The following COL13A1 variants were observed in gnomAD, a reference collection of about 807,000 sequenced individuals.
COL13A1 encodes the protein collagen type XIII alpha 1 chain.
COL13A1 carries 89 observed loss-of-function variants against 130.9 expected under a neutral mutation model. The ratio of observed to expected loss-of-function variants is 0.68; its 90% CI spans 0.57 to 0.81. The LOEUF is 0.81. Among genes scored for constraint, COL13A1 ranks in the 30% least tolerant of loss-of-function variants. The pLI, the probability that COL13A1 is intolerant of heterozygous loss-of-function variation, is 0.00. For synonymous variants in COL13A1, 402 were observed against 341.6 expected (o/e 1.18, Z -1.95); for missense variants, 879 against 934.6 (o/e 0.94, Z 0.78).
chr10:69,821,632 C>T (rs1170966308), intron 1 of COL13A1, among the ~76,000 whole-genome samples: 3 of 152,228 alleles, frequency 2.0e-5, no homozygotes, highest in African/African-American at 7.2e-5. Flanking sequence ...GCTAGTCTGG[C>T]CAACTTTGTT....
At chr10:69,827,159 G>A (rs1847703177) in intron 2 of COL13A1, among the ~76,000 whole-genome samples, 1 of 152,224 alleles carries the variant, frequency 6.6e-6, no homozygotes, top group Non-Finnish European at 1.5e-5. Context: ...ACTCGGAGGA[G>A]CAAGAAAAAG....
chr10:69,921,784 G>A (rs2064710349), intron 21 of COL13A1, 98 bp from the exon 22 acceptor site: 2 of 1,481,994 alleles, frequency 1.3e-6, no homozygotes, highest in African/African-American at 1.4e-5. Context: ...CGAGGCAGGA[G>A]CAAGGGAAGG....
rs764664161 is a variant in COL13A1 at position 69,928,971 on chromosome 10, C to G, written c.1457C>G (p.Pro486Arg). 3 of 1,613,652 alleles carry G rather than the reference C, an allele frequency of 1.9e-6. No homozygotes were observed. The highest frequency in any genetic ancestry group is 1.1e-5 in the South Asian group (1 of 91,008). The change falls in exon 28 of 41, where the codon CCT becomes CGT. Residue 486 changes from proline to arginine, a missense_variant. By Grantham distance (103) the Pro-to-Arg change is moderately radical. Around this residue, in one of 3 missense-constraint regions of COL13A1, gnomAD observed 715 missense variants for 721.0 expected, o/e 0.99. Coordinates refer to ENST00000645393, the MANE Select transcript of COL13A1 (RefSeq NM_001368882.1). ...GGTCTTCCTGGGCAAATTGGCCCACCTGGAGCTCCAGGGATTCCAGGCCAG... is the reference window on the plus strand; with the variant it reads ...GGTCTTCCTGGGCAAATTGGCCCACGTGGAGCTCCAGGGATTCCAGGCCAG... ...PPGLPGQIGP[P>R]GAPGIPGQKG... is the part of the protein sequence containing the mutation.
At chr10:69,894,835 A>G in intron 12 of COL13A1, 134 bp downstream of exon 12, 1 of 1,213,036 alleles carries the variant, frequency 8.2e-7, no homozygotes, top group Non-Finnish European at 1.2e-6. Flanking sequence ...GAGGTGCCGC[A>G]TAATAGATTC....
At chr10:69,840,978 G>C (rs567594362) in intron 2 of COL13A1, among the ~76,000 whole-genome samples, 1 of 152,158 alleles carries the variant, frequency 6.6e-6, no homozygotes, top group Admixed American at 6.5e-5. Context: ...ACACTCCTCT[G>C]TCACCCCTCC....
intron 14 of COL13A1, among the ~76,000 whole-genome samples, chr10:69,901,145 A>T (rs1302661198): frequency 6.6e-6 from 1 of 152,196 alleles, no homozygotes; most frequent in Admixed American, 6.5e-5. Context: ...TTCAGAAGAA[A>T]CACTGACACC....
intron 2 of COL13A1, among the ~76,000 whole-genome samples, chr10:69,864,925 G>C (rs1859388999): frequency 6.6e-6 from 1 of 152,220 alleles, no homozygotes; most frequent in Non-Finnish European, 1.5e-5. Context: ...CCACCTGAGG[G>C]GGCTGGGACA....
intron 17 of COL13A1, among the ~76,000 whole-genome samples, 152 bp from the exon 18 acceptor site, chr10:69,917,137 C>T (rs1589499294): frequency 6.6e-6 from 1 of 152,172 alleles, no homozygotes; most frequent in Non-Finnish European, 1.5e-5. Context: ...GACAGGGGCC[C>T]ACACAGCTGC....
At chr10:69,889,335 G>T in intron 9 of COL13A1, 79 bp from the exon 10 acceptor site, 3 of 1,540,620 alleles carry the variant, frequency 1.9e-6, no homozygotes, top group East Asian at 4.8e-5. Context: ...ACAGGGGGCA[G>T]GGAGGAGCAT....
chr10:69,855,445 G>A (rs1312680485), intron 2 of COL13A1, among the ~76,000 whole-genome samples: 1 of 152,096 alleles, frequency 6.6e-6, no homozygotes, highest in Non-Finnish European at 1.5e-5. Flanking sequence ...GCTATTGTAA[G>A]TTAAAACACT....
intron 37 of COL13A1, among the ~76,000 whole-genome samples, chr10:69,946,472 C>T (rs1415991123): frequency 1.3e-5 from 2 of 152,242 alleles, no homozygotes; most frequent in Admixed American, 1.3e-4. Flanking sequence ...TGAGTGTCTG[C>T]CTGAGAGAGC....
chr10:69,833,408 A>G (rs1190367620), intron 2 of COL13A1, among the ~76,000 whole-genome samples: 3 of 152,236 alleles, frequency 2.0e-5, no homozygotes, highest in Non-Finnish European at 4.4e-5. Flanking sequence ...CTCCAGGATG[A>G]ACATGAACTA....
chr10:69,945,149 G>A (rs1456160470), intron 36 of COL13A1, among the ~76,000 whole-genome samples: 1 of 152,156 alleles, frequency 6.6e-6, no homozygotes, highest in Non-Finnish European at 1.5e-5. Context: ...GTGGGCATCC[G>A]TCGAGTTCTC....
chr10:69,811,938 C>T (rs1027234638), intron 1 of COL13A1, among the ~76,000 whole-genome samples: 1 of 152,166 alleles, frequency 6.6e-6, no homozygotes, highest in Non-Finnish European at 1.5e-5. Context: ...CTGCCCACAC[C>T]TTCTCAGCCT....
chr10:69,928,832 TA>T, intron 27 of COL13A1, 104 bp from the exon 28 acceptor site: 1 of 760,222 alleles, frequency 1.3e-6, no homozygotes, highest in Non-Finnish European at 2.1e-6. Flanking sequence ...GAAAGGTCTG[TA>T]AACAACTTAT....
intron 2 of COL13A1, among the ~76,000 whole-genome samples, chr10:69,831,290 AG>A (rs1848760454): frequency 6.6e-6 from 1 of 152,156 alleles, no homozygotes; most frequent in Admixed American, 6.5e-5. Flanking sequence ...ACCCAGACCC[AG>A]GGGGTCAAGC....
intron 17 of COL13A1, among the ~76,000 whole-genome samples, chr10:69,908,967 T>C (rs1169006066): frequency 6.6e-6 from 1 of 152,130 alleles, no homozygotes; most frequent in Non-Finnish European, 1.5e-5. Flanking sequence ...GGAGTTCTGG[T>C]CACCAGAGGT....
chr10:69,816,640 T>C (rs1163415862), intron 1 of COL13A1, among the ~76,000 whole-genome samples: 2 of 151,960 alleles, frequency 1.3e-5, no homozygotes, highest in Non-Finnish European at 1.5e-5. Flanking sequence ...AGCACAAGAC[T>C]GAGAGGGCAC....
intron 7 of COL13A1, among the ~76,000 whole-genome samples, chr10:69,882,573 AAC>A (rs907968283): frequency 2.0e-5 from 3 of 152,320 alleles, no homozygotes; most frequent in African/African-American, 7.2e-5. Flanking sequence ...CAGAGGAGAG[AAC>A]AGTTTCCTAA....
Sources: gnomAD v4.1 joint callset for allele counts (sites outside exome capture counted in the v4.1 genomes callset) on GRCh38, gnomAD v4.1.1 for gene constraint, gnomAD v4.1.1 regional missense constraint, MANE v1.5 for transcripts, NCBI Gene and HGNC (gene_info 2026-07-23, HGNC 2026-07-21) for gene names.